Variants in PHF13 observed in about 807,000 individuals in gnomAD.
The protein encoded by PHF13 is PHD finger protein 13, also known as PHD zinc finger protein PHF5.
A neutral mutation model predicts 25.8 loss-of-function variants in PHF13; 1 was observed. The ratio of observed to expected loss-of-function variants is 0.04; its 90% CI spans 0.01 to 0.18. PHF13 has a LOEUF of 0.18. Ranked by LOEUF, PHF13 falls within the 10% of genes least tolerant of loss-of-function variation. The pLI, the probability that PHF13 is intolerant of heterozygous loss-of-function variation, is 1.00. For synonymous variants in PHF13, 195 were observed against 162.4 expected, an observed-to-expected ratio of 1.20 and a Z score of -1.53; for missense variants, 306 against 403.2, an observed-to-expected ratio of 0.76 and a Z score of 2.06.
intron 2 of PHF13, among the ~76,000 whole-genome samples, chr1:6,617,493 C>T (rs556206506): frequency 2.0e-5 from 3 of 152,050 alleles, no homozygotes; most frequent in African/African-American, 4.8e-5. Context: ...GCTGGAGTGC[C>T]GTGGTGCAAT....
intron 1 of PHF13, chr1:6,614,451 C>CCTG: frequency 3.7e-6 from 1 of 272,398 alleles, no homozygotes; most frequent in Non-Finnish European, 7.0e-6. Flanking sequence ...CCTGCTTACT[C>CCTG]TTTCCCCGCC....
At chr1:6,620,435 G>T (rs2148710638) in intron 3 of PHF13, 98 bp downstream of exon 3, 1 of 1,365,274 alleles carries the variant, frequency 7.3e-7, no homozygotes, top group Non-Finnish European at 9.9e-7. Context: ...AGGGTCTGGT[G>T]CCTTCCGTAG....
rs1436888544 is a variant in PHF13, at chr1:6,616,977, GGTGACCCCA to G, written c.141+122_141+130del. ...AGTAGGTTTGGAAGGGGCTGCTTGT[GGTGACCCCA>G]GTCACTAGTCTGGCAGAAATCTGTT... On this transcript the variant is annotated intron_variant, in intron 2 of 3. Coordinates refer to ENST00000377648, the MANE Select transcript of PHF13 (RefSeq NM_153812.3). 5.3e-6 allele frequency: 4 copies of G among 750,890 alleles called. No individual in the cohort carries two copies. In the East Asian group the frequency reaches 8.0e-5, roughly 15 times the overall value. 46.5% of individuals were successfully genotyped at this position (750,890 alleles called of 1,614,324 possible). A position where few individuals can be genotyped will look rare whatever the true frequency, so the allele number is the denominator to read the frequency against.
Position 6,614,207 on chromosome 1 carries a change from C to G in PHF13, c.39+102C>G, listed in dbSNP as rs961994277. The stretch of plus-strand genomic sequence containing the variant: ...CGGTCGCCCGGAGCGCCGCCCTCCC[C>G]TTCCCCCGCTTTCCCCTCGTCGGCC... On this transcript the variant is annotated intron_variant, in intron 1 of 3. Transcript: ENST00000377648. 4 of 996,298 alleles carry G rather than the reference C, an allele frequency of 4.0e-6. No homozygotes were observed. In the African/African-American group the frequency reaches 5.0e-5, roughly 13 times the overall value. 61.7% of individuals were successfully genotyped at this position (996,298 alleles called of 1,614,324 possible).
rs764976850 is a variant in PHF13, at chr1:6,621,466, C to T, written c.732C>T (p.Arg244=). 6.2e-7 allele frequency: 1 copy of T among 1,614,126 alleles called. No homozygotes were observed. Among genetic ancestry groups the T allele is most frequent in the Non-Finnish European group, 8.5e-7 (1 of 1,180,040 alleles). ...TCFCMKPFAG[R]PMIECNECHT... ...TCTGCATGAAGCCATTTGCCGGCCG[C>T]CCCATGATCGAGTGTAATGAGTGCC... The change falls in exon 4 of 4, where the codon CGC becomes CGT. Residue 244 remains arginine (R), a synonymous_variant. Coordinates refer to ENST00000377648, the MANE Select transcript of PHF13 (RefSeq NM_153812.3). This position sits in a 1 kb window ranked among gnomAD's most constrained non-coding sequence, Gnocchi z 4.8.
chr1:6,623,365 G>GTAA lies in PHF13; in HGVS notation c.*1729_*1731dup, dbSNP rs1641375414. On this transcript the variant is annotated 3_prime_UTR_variant, in exon 4 of 4. Transcript: ENST00000377648. ...GGGGGAGGTTCGGTAGAGAAAAATA[G>GTAA]TAAGCTGGTTTAGAAACTGACGAGG... 2 of 152,660 alleles carry GTAA rather than the reference G, an allele frequency of 1.3e-5. No individual in the cohort carries two copies. The highest frequency in any genetic ancestry group is 2.4e-5 in the African/African-American group (1 of 41,456). The allele number at this position is 152,660 out of a possible 1,614,324, so 9.5% of individuals were successfully genotyped here.
At chr1:6,615,291 T>C (rs1641243393) in intron 1 of PHF13, among the ~76,000 whole-genome samples, 1 of 152,154 alleles carries the variant, frequency 6.6e-6, no homozygotes, top group South Asian at 2.1e-4. Flanking sequence ...GAAAAGTTCT[T>C]CGCGGGAGTT....
rs1399548719 is a variant in PHF13 at position 6,613,794 on chromosome 1, TCACCGC to T, written c.-271_-266del. ...GTCGGGGAGCCGGTCGGGTTCCCGC[TCACCGC>T]CGCCGCCGCCGCCCCCTGCAGCCAC... On this transcript the variant is annotated 5_prime_UTR_variant, in exon 1 of 4. Coordinates refer to ENST00000377648, the MANE Select transcript of PHF13 (RefSeq NM_153812.3). 3 of 199,350 alleles carry T rather than the reference TCACCGC, an allele frequency of 1.5e-5. No homozygotes were observed. The East Asian group carries it at 5.4e-4, about 36-fold the overall frequency. The allele number at this position is 199,350 out of a possible 1,614,324, so 12.3% of individuals were successfully genotyped here. A position where few individuals can be genotyped will look rare whatever the true frequency, so the allele number is the denominator to read the frequency against.
intron 1 of PHF13, among the ~76,000 whole-genome samples, chr1:6,614,798 C>T (rs866313727): frequency 1.5e-4 from 23 of 151,652 alleles, no homozygotes; most frequent in African/African-American, 4.6e-4. Context: ...CACTCCCCCT[C>T]CTTCCGGGGA....
intron 2 of PHF13, among the ~76,000 whole-genome samples, chr1:6,618,815 T>G (rs1641298620): frequency 6.6e-6 from 1 of 151,946 alleles, no homozygotes; most frequent in South Asian, 2.1e-4. Flanking sequence ...CAGCTAATTT[T>G]TTTGTATTTT....
At chr1:6,616,676 C>A (rs376655248) in intron 1 of PHF13, 81 bp from the exon 2 acceptor site, 3 of 1,200,872 alleles carry the variant, frequency 2.5e-6, no homozygotes, top group Admixed American at 1.7e-5. Context: ...TACAAAAGTT[C>A]CAGCTTACTT....
chr1:6,617,356 G>C (rs944538807), intron 2 of PHF13, among the ~76,000 whole-genome samples: 2 of 152,130 alleles, frequency 1.3e-5, no homozygotes, highest in African/African-American at 4.8e-5. Context: ...AGAGTGCTGG[G>C]ATTACAGGCG....
At chr1:6,616,961 G>C (rs1040453599) in intron 2 of PHF13, 103 bp downstream of exon 2, 3 of 928,890 alleles carry the variant, frequency 3.2e-6, no homozygotes, top group African/African-American at 3.3e-5. Flanking sequence ...CAGTAGGTTT[G>C]GAAGGGGCTG....
chr1:6,618,932 C>T (rs1445068597), intron 2 of PHF13, among the ~76,000 whole-genome samples: 1 of 152,110 alleles, frequency 6.6e-6, no homozygotes, highest in Non-Finnish European at 1.5e-5. Flanking sequence ...CAGGTGTGAG[C>T]CCCCGCACCC....
rs538901272 is a variant in PHF13 at position 6,621,799 on chromosome 1, C to T, written c.*162C>T. On this transcript the variant is annotated 3_prime_UTR_variant, in exon 4 of 4. Transcript: ENST00000377648. The surrounding 1 kb of genome is among the most constrained non-coding windows in gnomAD (Gnocchi z 4.8). ...CAGGCTGTCCAAGGTAGAAACTGTA[C>T]ATAGCCGGTGACCGAATGCGACCTT... The T allele has an allele frequency of 4.7e-5, 34 of 720,092 alleles. No homozygotes were observed. The highest frequency in any genetic ancestry group is 2.3e-4 in the African/African-American group (13 of 56,618). 44.6% of individuals were successfully genotyped at this position (720,092 alleles called of 1,614,324 possible).
In PHF13 at chr1:6,621,764, A is replaced by C; in HGVS notation, c.*127A>C. 1.1e-6 allele frequency: 1 copy of C among 925,654 alleles called. No individual in the cohort carries two copies. 57.3% of individuals were successfully genotyped at this position (925,654 alleles called of 1,614,324 possible). On this transcript the variant is annotated 3_prime_UTR_variant, in exon 4 of 4. Transcript: ENST00000377648. The surrounding 1 kb of genome is among the most constrained non-coding windows in gnomAD (Gnocchi z 4.8). The stretch of plus-strand genomic sequence containing the variant: ...CAGATCCCTGCCATTTAGGTGCCTA[A>C]GCAAAAGGACAGGCTGTCCAAGGTA...
Position 6,621,500 on chromosome 1 carries a change from A to C in PHF13, c.766A>C (p.Ile256Leu), listed in dbSNP as rs1641340313. The C allele has an allele frequency of 6.2e-7, 1 of 1,614,108 alleles. No individual in the cohort carries two copies. Among genetic ancestry groups the C allele is most frequent in the South Asian group, 1.1e-5 (1 of 91,082 alleles). ...MIECNECHTW[I>L]HLSCAKIRKS... ...CGAGTGTAATGAGTGCCACACCTGG[A>C]TTCACCTGTCCTGTGCGAAAATCCG... The change falls in exon 4 of 4, where the codon ATT (isoleucine) becomes CTT (leucine). Residue 256 changes from isoleucine (I) to leucine (L), a missense_variant. Ile to Leu is a conservative substitution (Grantham distance 5). This residue lies in a region of PHF13 where 40 missense variants were observed against 71.6 expected (regional missense o/e 0.56). Coordinates refer to ENST00000377648, the MANE Select transcript of PHF13 (RefSeq NM_153812.3). The surrounding 1 kb of genome is among the most constrained non-coding windows in gnomAD (Gnocchi z 4.8).
intron 2 of PHF13, among the ~76,000 whole-genome samples, chr1:6,618,889 T>C (rs1437406726): frequency 3.3e-5 from 5 of 151,804 alleles, no homozygotes; most frequent in African/African-American, 9.7e-5. Flanking sequence ...TCAGGTGATC[T>C]ACCCGCCTCA....
rs750501093 is a variant in PHF13 at position 6,620,113 on chromosome 1, C to A, written c.452C>A (p.Thr151Asn). The change falls in exon 3 of 4, where the codon ACC (threonine) becomes AAC (asparagine). Residue 151 changes from threonine (T) to asparagine (N), a missense_variant. Thr to Asn is a moderately conservative substitution (Grantham distance 65). Around this residue, in one of 5 missense-constraint regions of PHF13, gnomAD observed 186 missense variants for 164.0 expected, o/e 1.13. Coordinates refer to ENST00000377648, the MANE Select transcript of PHF13 (RefSeq NM_153812.3). ...GAAGCCGCTGACCCCTACGTGGAGA[C>A]CCCCACGAGTCCCACCTTGCAGGAT... ...KLEAADPYVETPTSPTLQDIP... is the reference protein window; with the variant it reads ...KLEAADPYVENPTSPTLQDIP... 1.2e-6 allele frequency: 2 copies of A among 1,613,608 alleles called. No individual in the cohort carries two copies. Among genetic ancestry groups the A allele is most frequent in the Non-Finnish European group, 8.5e-7 (1 of 1,180,024 alleles).
Sources: allele counts gnomAD v4.1 joint callset (sites outside exome capture counted in the v4.1 genomes callset), GRCh38; gene constraint gnomAD v4.1.1; regional missense constraint gnomAD v4.1.1; non-coding constraint Gnocchi (gnomAD v3.1); transcripts MANE v1.5; gene names NCBI Gene and HGNC (gene_info 2026-07-23, HGNC 2026-07-21).